DMRT1: variants seen among roughly 807,000 people sequenced by gnomAD.
DMRT1 encodes doublesex and mab-3 related transcription factor 1, also known as doublesex- and mab-3-related transcription factor 1.
A neutral mutation model predicts 32.3 loss-of-function variants in DMRT1; 7 were observed. The ratio of observed to expected loss-of-function variants is 0.22; its 90% CI spans 0.12 to 0.41. DMRT1 has a LOEUF of 0.41. DMRT1 is among the 10% of genes least tolerant of loss of function. The pLI is 1.00. For missense variants in DMRT1, 625 were observed against 500.5 expected, an observed-to-expected ratio of 1.25 and a Z score of -2.37; for synonymous variants, 278 against 206.1, an observed-to-expected ratio of 1.35 and a Z score of -2.99.
intron 3 of DMRT1, among the ~76,000 whole-genome samples, chr9:895,464 A>C (rs1046552773): frequency 3.3e-5 from 5 of 152,208 alleles, no homozygotes; most frequent in Non-Finnish European, 7.3e-5. Context: ...ATTTGATTCA[A>C]CGCAATGCCA....
intron 1 of DMRT1, among the ~76,000 whole-genome samples, chr9:846,100 C>T (rs1260716716): frequency 7.4e-5 from 11 of 147,994 alleles, no homozygotes; most frequent in Non-Finnish European, 1.6e-4. Context: ...GTCGCGATCT[C>T]GGCTCACTGC....
At chr9:851,774 C>G (rs186201625) in intron 2 of DMRT1, among the ~76,000 whole-genome samples, 85 of 152,190 alleles carry the variant, frequency 5.6e-4, no homozygotes, top group African/African-American at 2.0e-3. Flanking sequence ...TTGGCTAAGA[C>G]TGACCAGATT....
At chr9:894,646 T>A in intron 3 of DMRT1, 1 of 275,884 alleles carries the variant, frequency 3.6e-6, no homozygotes, top group South Asian at 4.3e-5. Context: ...GTAATCTGCG[T>A]GATGAATTTG....
chr9:961,748 T>A (rs1819779945), intron 4 of DMRT1, among the ~76,000 whole-genome samples: 1 of 152,210 alleles, frequency 6.6e-6, no homozygotes. Flanking sequence ...TTGTACTAAA[T>A]CCTGATATGA....
At chr9:873,399 G>T (rs967531501) in intron 2 of DMRT1, among the ~76,000 whole-genome samples, 2 of 151,492 alleles carry the variant, frequency 1.3e-5, no homozygotes, top group Admixed American at 6.6e-5. Flanking sequence ...TCCACCTCCC[G>T]GGTTCAAGTG....
At chr9:852,860 C>A (rs569517931) in intron 2 of DMRT1, among the ~76,000 whole-genome samples, 5 of 152,312 alleles carry the variant, frequency 3.3e-5, no homozygotes, top group African/African-American at 1.2e-4. Context: ...ATTGAAGGGG[C>A]CTTTCCTTCA....
At chr9:878,200 G>GCAGCC (rs1816584290) in intron 2 of DMRT1, among the ~76,000 whole-genome samples, 1 of 94,040 alleles carries the variant, frequency 1.1e-5, no homozygotes. Context: ...TGCAGCTGCT[G>GCAGCC]CCCCCCCCCC....
chr9:873,499 A>C (rs1216718883), intron 2 of DMRT1, among the ~76,000 whole-genome samples: 1 of 148,688 alleles, frequency 6.7e-6, no homozygotes, highest in African/African-American at 2.5e-5. Flanking sequence ...TTTTTTTTTT[A>C]GTAGAGATGG....
intron 2 of DMRT1, among the ~76,000 whole-genome samples, chr9:879,712 T>G (rs1198490517): frequency 6.6e-6 from 1 of 152,228 alleles, no homozygotes; most frequent in Non-Finnish European, 1.5e-5. Flanking sequence ...TATTCATCTG[T>G]CTCAGACTTG....
intron 2 of DMRT1, among the ~76,000 whole-genome samples, chr9:875,274 T>A (rs1045627877): frequency 6.6e-6 from 1 of 152,192 alleles, no homozygotes; most frequent in Non-Finnish European, 1.5e-5. Flanking sequence ...TGGGTGAGGC[T>A]AGTGGTTGAC....
intron 2 of DMRT1, among the ~76,000 whole-genome samples, chr9:859,800 G>C (rs1815573820): frequency 6.6e-6 from 1 of 152,164 alleles, no homozygotes; most frequent in African/African-American, 2.4e-5. Context: ...TAGCTGGCAA[G>C]TTGTGAAAAG....
intron 4 of DMRT1, among the ~76,000 whole-genome samples, chr9:942,424 C>A (rs1819106348): frequency 6.6e-6 from 1 of 152,130 alleles, no homozygotes; most frequent in African/African-American, 2.4e-5. Context: ...CAGGCGCGTG[C>A]CACCACACCC....
chr9:937,194 C>G (rs1461836918), intron 4 of DMRT1, among the ~76,000 whole-genome samples: 1 of 152,150 alleles, frequency 6.6e-6, no homozygotes, highest in Non-Finnish European at 1.5e-5. Context: ...CTTTTTATGG[C>G]TGAATAATAT....
intron 4 of DMRT1, among the ~76,000 whole-genome samples, chr9:938,272 A>C (rs1035482512): frequency 6.6e-6 from 1 of 152,146 alleles, no homozygotes; most frequent in Non-Finnish European, 1.5e-5. Context: ...TTGGAATTCC[A>C]TATGAATTTT....
chr9:887,592 G>A (rs76667744), intron 2 of DMRT1, among the ~76,000 whole-genome samples: 2,644 of 152,218 alleles, frequency 0.017, 68 homozygotes, highest in African/African-American at 0.06. Context: ...TGTGGCTGGA[G>A]CGCGTCTTGT....
intron 2 of DMRT1, among the ~76,000 whole-genome samples, chr9:857,695 A>G (rs1415598639): frequency 6.6e-6 from 1 of 151,642 alleles, no homozygotes; most frequent in Non-Finnish European, 1.5e-5. Flanking sequence ...TTACATATGT[A>G]TACATGTGCC....
At position 964,257 on chromosome 9, in the gene DMRT1, C is replaced by T. The variant is rs1166246387; in HGVS notation, c.968-3728C>T. Among the ~76,000 whole-genome samples, 4 of 151,878 alleles carry T rather than the reference C, an allele frequency of 2.6e-5. No homozygotes were observed. The South Asian group carries it at 8.3e-4, about 32-fold the overall frequency. On this transcript the variant is annotated intron_variant, in intron 4 of 4. Coordinates refer to ENST00000382276, the MANE Select transcript of DMRT1 (RefSeq NM_021951.3). ...ATAAATATTTTTCAAAAATAATACT[C>T]ATGGTTAGATGGCATCAAAATCATC...
intron 3 of DMRT1, among the ~76,000 whole-genome samples, chr9:906,020 GACAC>G (rs756949932): frequency 2.1e-5 from 1 of 48,100 alleles, no homozygotes; most frequent in Non-Finnish European, 6.6e-5. Flanking sequence ...ATGCTTCTGT[GACAC>G]ACACACCCAC....
intron 3 of DMRT1, among the ~76,000 whole-genome samples, chr9:905,488 C>CTGTGTTTG (rs1817740352): frequency 1.4e-5 from 2 of 147,724 alleles, no homozygotes; most frequent in African/African-American, 5.0e-5. Flanking sequence ...GTGTGTGTGT[C>CTGTGTTTG]TGTGTGTGTG....
Sources: allele counts gnomAD v4.1 joint callset (sites outside exome capture counted in the v4.1 genomes callset), GRCh38; gene constraint gnomAD v4.1.1; transcripts MANE v1.5; gene names NCBI Gene and HGNC (gene_info 2026-07-23, HGNC 2026-07-21).